CRYBB2: variants seen among roughly 807,000 people sequenced by gnomAD.
CRYBB2 encodes beta-crystallin B2.
A neutral mutation model predicts 24.3 loss-of-function variants in CRYBB2; 12 were observed. The ratio of observed to expected loss-of-function variants is 0.49; its 90% CI spans 0.32 to 0.80. The LOEUF is 0.80. CRYBB2 is among the 30% of genes least tolerant of loss of function. The pLI, the probability that CRYBB2 is intolerant of heterozygous loss-of-function variation, is 0.04. For missense variants in CRYBB2, 198 were observed against 268.5 expected (o/e 0.74, Z 1.83); for synonymous variants, 98 against 101.6 (o/e 0.96, Z 0.21).
intron 3 of CRYBB2, among the ~76,000 whole-genome samples, chr22:25,227,604 C>T (rs1192553539): frequency 2.0e-5 from 3 of 149,914 alleles, no homozygotes. Flanking sequence ...TGTTGCTGGG[C>T]CGTTATTTAG....
intron 4 of CRYBB2, among the ~76,000 whole-genome samples, chr22:25,228,909 CGTGT>C (rs1000637683): frequency 6.6e-6 from 1 of 152,198 alleles, no homozygotes; most frequent in Non-Finnish European, 1.5e-5. Context: ...TTAGCCTGTG[CGTGT>C]GTGTGTACAT....
chr22:25,221,491 C>A lies in CRYBB2; in HGVS notation c.54+8C>A. ...CAGTCCCTCAACCCCAAGGTGGGTACCTCTCAGAGGAGGGGGCATGCAATG... is the reference window on the plus strand; with the variant it reads ...CAGTCCCTCAACCCCAAGGTGGGTAACTCTCAGAGGAGGGGGCATGCAATG... On this transcript the variant is annotated splice_region_variant and intron_variant, in intron 2 of 5. Transcript: ENST00000398215. 1 of 1,608,826 alleles carries A rather than the reference C, an allele frequency of 6.2e-7. No homozygotes were observed. Among genetic ancestry groups the A allele is most frequent in the Non-Finnish European group, 8.5e-7 (1 of 1,175,164 alleles).
At chr22:25,221,584 C>G in intron 2 of CRYBB2, 101 bp downstream of exon 2, 1 of 842,556 alleles carries the variant, frequency 1.2e-6, no homozygotes, top group Non-Finnish European at 2.0e-6. Context: ...GGTACCCCCT[C>G]TCGACCCCTG....
rs116813819 is a variant in CRYBB2 at position 25,224,557 on chromosome 22, T to G, written c.55-361T>G. On this transcript the variant is annotated intron_variant, in intron 2 of 5. Transcript: ENST00000398215. ...TTTTTCTTTTTAAAAAAATTAGAAG[T>G]GGGGTCTTCCCATCTTGCCCAGGCT... 9.0e-3 allele frequency among the ~76,000 whole-genome samples: 1,375 copies of G among 152,216 alleles called. 31 individuals carry two copies. The highest frequency in any genetic ancestry group is 0.028 in the African/African-American group (1,170 of 41,534).
Position 25,231,783 on chromosome 22 carries a change from A to G in CRYBB2, c.*11A>G. ...CACCCCTCCAACTAGTGCCCTCCCCACCATGCCTCCTTCCCAGGACCCAGG... is the reference window on the plus strand; with the variant it reads ...CACCCCTCCAACTAGTGCCCTCCCCGCCATGCCTCCTTCCCAGGACCCAGG... On this transcript the variant is annotated 3_prime_UTR_variant, in exon 6 of 6. Transcript: ENST00000398215. The G allele has an allele frequency of 6.2e-7, 1 of 1,613,342 alleles. No homozygotes were observed. Among genetic ancestry groups the G allele is most frequent in the Non-Finnish European group, 8.5e-7 (1 of 1,179,542 alleles).
chr22:25,217,666 C>G (rs1935192918), upstream of CRYBB2, among the ~76,000 whole-genome samples: 1 of 152,152 alleles, frequency 6.6e-6, no homozygotes, highest in Non-Finnish European at 1.5e-5. Flanking sequence ...GCACTGGGCT[C>G]TGGAGATACC....
Position 25,224,998 on chromosome 22 carries a change from C to T in CRYBB2, c.135C>T (p.Gly45=), listed in dbSNP as rs768007526. 8 of 1,612,354 alleles carry T rather than the reference C, an allele frequency of 5.0e-6. No individual in the cohort carries two copies. Among genetic ancestry groups the T allele is most frequent in the African/African-American group, 2.7e-5 (2 of 74,876 alleles). ...CCTGCCCCAACCTGAAGGAAACTGG[C>T]GTGGAGAAGGCAGGTTCTGTCCTAG... is the stretch of plus-strand genomic sequence containing the variant. ...NGPCPNLKET[G]VEKAGSVLVQ... is the part of the protein sequence containing the mutation. Residue 45 remains glycine (G), a synonymous_variant, in exon 3 of 6, where the codon GGC becomes GGT. Coordinates refer to ENST00000398215, the MANE Select transcript of CRYBB2 (RefSeq NM_000496.3).
At chr22:25,231,568 C>G in intron 5 of CRYBB2, 36 bp from the exon 6 acceptor site, 2 of 1,606,532 alleles carry the variant, frequency 1.2e-6, no homozygotes, top group Middle Eastern at 1.7e-4. Flanking sequence ...CTTCCTGTCC[C>G]CCTCGTTCAC....
intron 4 of CRYBB2, among the ~76,000 whole-genome samples, chr22:25,229,066 T>A (rs28444647): frequency 6.7e-6 from 1 of 148,228 alleles, no homozygotes; most frequent in Non-Finnish European, 1.5e-5. Flanking sequence ...CGTGTGTGCA[T>A]GTGTGCGTGT....
Position 25,221,574 on chromosome 22 carries a change from G to T in CRYBB2, c.54+91G>T, listed in dbSNP as rs1372060830. On this transcript the variant is annotated intron_variant, in intron 2 of 5. Coordinates refer to ENST00000398215, the MANE Select transcript of CRYBB2 (RefSeq NM_000496.3). The stretch of plus-strand genomic sequence containing the variant: ...AATGGGCTTGGCATCTTTCTTCATG[G>T]GTACCCCCTCTCGACCCCTGCCCCT... The T allele has an allele frequency of 6.2e-6, 6 of 965,840 alleles. No homozygotes were observed. The East Asian group carries it at 1.5e-4, about 24-fold the overall frequency. The allele number at this position is 965,840 out of a possible 1,614,324, so 59.8% of individuals were successfully genotyped here.
upstream of CRYBB2, chr22:25,219,423 GC>G (rs779996931): frequency 3.9e-5 from 6 of 152,370 alleles, no homozygotes; most frequent in East Asian, 1.2e-3. Flanking sequence ...GCATCTCCTT[GC>G]CCAGCCGCCT....
chr22:25,219,828 C>T (rs183594544), intron 1 of CRYBB2, among the ~76,000 whole-genome samples, 162 bp downstream of exon 1: 133 of 152,234 alleles, frequency 8.7e-4, no homozygotes, highest in Middle Eastern at 6.8e-3. Context: ...GTTAAAAAGC[C>T]TTCTTTATTG....
upstream of CRYBB2, among the ~76,000 whole-genome samples, chr22:25,216,227 C>T (rs4822577): frequency 0.49 from 73,920 of 151,980 alleles, 18,466 homozygotes; most frequent in East Asian, 0.83. Flanking sequence ...GTCCTAACCC[C>T]CAGTACCTCA....
At chr22:25,228,370 C>A (rs1472798794) in intron 4 of CRYBB2, among the ~76,000 whole-genome samples, 1 of 148,490 alleles carries the variant, frequency 6.7e-6, no homozygotes, top group Non-Finnish European at 1.5e-5. Flanking sequence ...TGGGCAACTC[C>A]CGTCATTGCT....
chr22:25,217,081 A>G (rs920360005), upstream of CRYBB2, among the ~76,000 whole-genome samples: 4 of 152,052 alleles, frequency 2.6e-5, no homozygotes, highest in Admixed American at 2.6e-4. Context: ...TGCTATGAAC[A>G]TGGGTGTGTA....
exon 1 of CRYBB2, chr22:25,212,791 C>G (rs150554414): frequency 1.3e-5 from 2 of 152,318 alleles, no homozygotes; most frequent in Admixed American, 6.5e-5. Context: ...AACCTTCATC[C>G]AATGACTAAC....
At chr22:25,228,508 T>C (rs1188250426) in intron 4 of CRYBB2, among the ~76,000 whole-genome samples, 1 of 151,732 alleles carries the variant, frequency 6.6e-6, no homozygotes, top group Admixed American at 6.6e-5. Context: ...TCCTGATTCT[T>C]ACTAGTGTGT....
chr22:25,230,908 G>C (rs970743698), intron 5 of CRYBB2, among the ~76,000 whole-genome samples: 2 of 151,984 alleles, frequency 1.3e-5, no homozygotes, highest in African/African-American at 4.8e-5. Context: ...GAATTGCAGG[G>C]GTAAAGAGGC....
intron 5 of CRYBB2, 75 bp downstream of exon 5, chr22:25,229,653 T>G: frequency 3.2e-6 from 5 of 1,587,096 alleles, no homozygotes; most frequent in Non-Finnish European, 4.3e-6. Flanking sequence ...TGCTCTGCCC[T>G]GTACACGCTG....
Sources: allele counts gnomAD v4.1 joint callset (sites outside exome capture counted in the v4.1 genomes callset), GRCh38; gene constraint gnomAD v4.1.1; transcripts MANE v1.5; gene names NCBI Gene and HGNC (gene_info 2026-07-23, HGNC 2026-07-21).